The following WDPCP variants were observed in gnomAD, a reference collection of about 807,000 sequenced individuals.
WDPCP encodes WD repeat containing planar cell polarity effector, also known as WD repeat-containing and planar cell polarity effector protein fritz homolog.
Under a neutral mutation model 93.1 loss-of-function variants are expected in WDPCP, and 71 were observed. That is an observed-to-expected ratio of 0.76 (90% CI 0.63 to 0.93). The LOEUF is 0.93. Ranked by LOEUF, WDPCP falls within the 40% of genes least tolerant of loss-of-function variation. The probability of loss-of-function intolerance (pLI) is 0.00; values close to 1 mark genes in which losing one functional copy is unlikely to be tolerated. For missense variants in WDPCP, 844 were observed against 887.4 expected (o/e 0.95, Z 0.62); for synonymous variants, 315 against 315.0 (o/e 1.00, Z 0.00).
chr2:63,432,597 A>T (rs567767501), intron 9 of WDPCP, among the ~76,000 whole-genome samples: 2 of 152,284 alleles, frequency 1.3e-5, no homozygotes, highest in Admixed American at 1.3e-4. Flanking sequence ...AATTCATTTG[A>T]CTAAGACATG....
intron 14 of WDPCP, among the ~76,000 whole-genome samples, chr2:63,221,291 T>G (rs1447687564): frequency 6.6e-6 from 1 of 152,236 alleles, no homozygotes; most frequent in Non-Finnish European, 1.5e-5. Flanking sequence ...GAATATGAAT[T>G]CTTCCAGCTA....
chr2:63,808,313 C>A (rs1187730326), intron 2 of WDPCP, among the ~76,000 whole-genome samples: 2 of 126,796 alleles, frequency 1.6e-5, no homozygotes, highest in Non-Finnish European at 3.5e-5. Context: ...CCTCTCCCCT[C>A]TCCCTCTCCC....
At chr2:63,729,785 T>C (rs1669535666) in intron 2 of WDPCP, among the ~76,000 whole-genome samples, 1 of 152,160 alleles carries the variant, frequency 6.6e-6, no homozygotes, top group Non-Finnish European at 1.5e-5. Context: ...TTATGTTTCC[T>C]ATGCTGCTTT....
intron 14 of WDPCP, among the ~76,000 whole-genome samples, chr2:63,245,242 G>A (rs549655534): frequency 9.3e-4 from 141 of 152,228 alleles, no homozygotes; most frequent in Non-Finnish European, 1.7e-3. Flanking sequence ...GGTTCCCCAT[G>A]ATACCCTGCA....
At chr2:63,299,589 A>G (rs1482273760) in intron 13 of WDPCP, among the ~76,000 whole-genome samples, 2 of 152,142 alleles carry the variant, frequency 1.3e-5, no homozygotes, top group African/African-American at 4.8e-5. Context: ...CTGGGCATTC[A>G]TAGACTTTGG....
At chr2:63,708,568 C>T (rs893570549) in intron 2 of WDPCP, among the ~76,000 whole-genome samples, 32 of 152,300 alleles carry the variant, frequency 2.1e-4, no homozygotes, top group African/African-American at 7.0e-4. Context: ...TCACCCCTTG[C>T]GCTTCCCGGG....
chr2:63,775,754 CCTA>C (rs1486019101), intron 2 of WDPCP, among the ~76,000 whole-genome samples: 1 of 152,076 alleles, frequency 6.6e-6, no homozygotes, highest in Non-Finnish European at 1.5e-5. Context: ...AATACAAAAT[CCTA>C]CTATCTTCTG....
chr2:63,367,119 G>C (rs1690976650), intron 12 of WDPCP, among the ~76,000 whole-genome samples: 1 of 151,076 alleles, frequency 6.6e-6, no homozygotes, highest in Non-Finnish European at 1.5e-5. Context: ...ATTAAAGCAG[G>C]TGGTAACAGG....
chr2:63,647,891 A>G (rs140434631), intron 3 of WDPCP, among the ~76,000 whole-genome samples: 206 of 152,278 alleles, frequency 1.4e-3, no homozygotes, highest in Non-Finnish European at 2.5e-3. Context: ...AACCTGACCA[A>G]TCAGGAACTC....
chr2:63,245,264 C>T (rs938194126), intron 14 of WDPCP, among the ~76,000 whole-genome samples: 2 of 152,128 alleles, frequency 1.3e-5, no homozygotes, highest in Non-Finnish European at 2.9e-5. Context: ...AAGGCCAAGA[C>T]CTATGTGTAT....
chr2:63,210,178 A>G (rs1676660628), intron 14 of WDPCP, among the ~76,000 whole-genome samples: 1 of 152,014 alleles, frequency 6.6e-6, no homozygotes, highest in African/African-American at 2.4e-5. Flanking sequence ...ATGTAATTGC[A>G]AACCTAATAT....
chr2:63,176,994 C>A (rs1040158023), intron 14 of WDPCP, among the ~76,000 whole-genome samples: 1 of 152,154 alleles, frequency 6.6e-6, no homozygotes, highest in African/African-American at 2.4e-5. Context: ...AGTTTCCCAG[C>A]AACGTTTGTT....
In WDPCP at chr2:63,515,351, T is replaced by G. The variant is rs1702482675; in HGVS notation, c.76-22411A>C. On this transcript the variant is annotated intron_variant, in intron 1 of 17. Coordinates refer to ENST00000272321, the MANE Select transcript of WDPCP (RefSeq NM_015910.7). ...AAATTGATATCTGAACATGATTTAGTTATCTCAAATATAAACTTCATTGTG... is the reference window on the plus strand; with the variant it reads ...AAATTGATATCTGAACATGATTTAGGTATCTCAAATATAAACTTCATTGTG... 2.0e-5 allele frequency among the ~76,000 whole-genome samples: 3 copies of G among 152,128 alleles called. No homozygotes were observed. The South Asian group carries it at 6.2e-4, about 32-fold the overall frequency.
At chr2:63,352,135 A>G (rs1689676942) in intron 12 of WDPCP, among the ~76,000 whole-genome samples, 1 of 151,406 alleles carries the variant, frequency 6.6e-6, no homozygotes, top group African/African-American at 2.4e-5. Context: ...TTTCTTGTTG[A>G]TTTGTTTAAT....
chr2:63,303,606 G>C (rs1248566807), intron 13 of WDPCP, among the ~76,000 whole-genome samples: 1 of 152,186 alleles, frequency 6.6e-6, no homozygotes, highest in African/African-American at 2.4e-5. Flanking sequence ...CCCCTCTGGA[G>C]TGGTCCACTG....
chr2:63,493,188 T>A (rs1051147388), intron 1 of WDPCP, among the ~76,000 whole-genome samples: 3 of 152,160 alleles, frequency 2.0e-5, no homozygotes. Flanking sequence ...GTAAGAAGAA[T>A]ATATATAGTA....
intron 2 of WDPCP, among the ~76,000 whole-genome samples, chr2:63,808,907 T>G (rs1200094867): frequency 6.7e-6 from 1 of 148,438 alleles, no homozygotes; most frequent in Non-Finnish European, 1.5e-5. Context: ...GAGCGCCTCT[T>G]CCCGGCCGCC....
intron 1 of WDPCP, chr2:63,571,758 A>G (rs932124484): frequency 2.1e-5 from 8 of 387,856 alleles, no homozygotes; most frequent in African/African-American, 1.1e-4. Context: ...ATGAACTACA[A>G]TGCTTCAACA....
rs1451204508 is a variant in WDPCP, at chr2:63,363,651, T to C, written c.1748+14735A>G. Among the ~76,000 whole-genome samples the C allele has an allele frequency of 5.9e-5, 9 of 152,198 alleles. No homozygotes were observed. In the East Asian group the frequency reaches 9.6e-4, roughly 16 times the overall value. ...CTTAAAAAAGAAAAGCGAAATTTTA[T>C]AGGAATTATTAACCTTCAAATACGT... On this transcript the variant is annotated intron_variant, in intron 12 of 17. Transcript: ENST00000272321.
Sources: allele counts gnomAD v4.1 joint callset (sites outside exome capture counted in the v4.1 genomes callset), GRCh38; gene constraint gnomAD v4.1.1; transcripts MANE v1.5; gene names NCBI Gene and HGNC (gene_info 2026-07-23, HGNC 2026-07-21).